Variants in BMERB1 observed in about 807,000 individuals in gnomAD.
BMERB1 encodes bMERB domain containing 1, also known as bMERB domain-containing protein 1.
In BMERB1, 12 loss-of-function variants were observed where a neutral mutation model predicts 23.6. The ratio of observed to expected loss-of-function variants is 0.51; its 90% CI spans 0.33 to 0.82. BMERB1 has a LOEUF of 0.82. Ranked by LOEUF, BMERB1 falls within the 40% of genes least tolerant of loss-of-function variation. The pLI is 0.03. For missense variants in BMERB1, 247 were observed against 255.4 expected (o/e 0.97, Z 0.22); for synonymous variants, 122 against 96.6 (o/e 1.26, Z -1.54).
chr16:15,551,654 G>A (rs553544815), intron 2 of BMERB1, among the ~76,000 whole-genome samples: 1 of 152,222 alleles, frequency 6.6e-6, no homozygotes, highest in African/African-American at 2.4e-5. Flanking sequence ...CACATGGGCT[G>A]TGTACCAGTC....
At chr16:15,562,043 C>T (rs1243725198) in intron 2 of BMERB1, among the ~76,000 whole-genome samples, 5 of 151,946 alleles carry the variant, frequency 3.3e-5, no homozygotes, top group Admixed American at 6.6e-5. Flanking sequence ...TGCGGTGGCT[C>T]ACGCCTATCA....
chr16:15,512,827 C>T (rs935346972), intron 1 of BMERB1, among the ~76,000 whole-genome samples: 2 of 150,594 alleles, frequency 1.3e-5, no homozygotes, highest in African/African-American at 4.9e-5. Context: ...TGCAGTGAGC[C>T]GATATTGTGC....
chr16:15,480,634 G>A (rs113323475), intron 1 of BMERB1, among the ~76,000 whole-genome samples: 1 of 81,596 alleles, frequency 1.2e-5, no homozygotes, highest in Non-Finnish European at 2.2e-5. Flanking sequence ...TTTTTTTTGA[G>A]ACAGAGTCTC....
At chr16:15,547,968 T>A (rs963041766) in intron 2 of BMERB1, among the ~76,000 whole-genome samples, 1 of 152,290 alleles carries the variant, frequency 6.6e-6, no homozygotes, top group South Asian at 2.1e-4. Flanking sequence ...TATGAAGCAC[T>A]TCTTAGTGTA....
chr16:15,535,217 G>A (rs1251010279), intron 2 of BMERB1, among the ~76,000 whole-genome samples: 3 of 152,084 alleles, frequency 2.0e-5, no homozygotes, highest in African/African-American at 7.2e-5. Flanking sequence ...TGGGCATAGT[G>A]GTGCATGCCT....
In BMERB1 at chr16:15,456,757, A is replaced by G. The variant is rs28710389; in HGVS notation, c.106+21998A>G. 3.5e-3 allele frequency among the ~76,000 whole-genome samples: 538 copies of G among 152,284 alleles called. 4 individuals carry two copies. The highest frequency in any genetic ancestry group is 0.012 in the African/African-American group (509 of 41,558). On this transcript the variant is annotated intron_variant, in intron 1 of 5. Coordinates refer to ENST00000300006, the MANE Select transcript of BMERB1 (RefSeq NM_033201.3). ...TGATGGACAGCTAGGTGATTTAACAATTTGATAAAGAATGCTGCAATAAAT... is the reference window on the plus strand; with the variant it reads ...TGATGGACAGCTAGGTGATTTAACAGTTTGATAAAGAATGCTGCAATAAAT...
At chr16:15,557,042 G>A (rs2030280248) in intron 2 of BMERB1, among the ~76,000 whole-genome samples, 1 of 152,146 alleles carries the variant, frequency 6.6e-6, no homozygotes, top group Admixed American at 6.5e-5. Context: ...CCATTAGGCT[G>A]CAACTCAAGC....
chr16:15,515,211 C>T (rs1226492199), intron 1 of BMERB1, 94 bp from the exon 2 acceptor site: 2 of 1,556,052 alleles, frequency 1.3e-6, no homozygotes, highest in East Asian at 2.3e-5. Context: ...GTATGATGGT[C>T]GCAGAGCAAG....
intron 2 of BMERB1, among the ~76,000 whole-genome samples, chr16:15,554,663 C>CTTTTTTTTTT (rs55937169): frequency 6.9e-6 from 1 of 144,556 alleles, no homozygotes. Flanking sequence ...ACCAAGTATT[C>CTTTTTTTTTT]TTTTTTTTTT....
chr16:15,549,254 G>T (rs188814316), intron 2 of BMERB1, among the ~76,000 whole-genome samples: 1 of 150,670 alleles, frequency 6.6e-6, no homozygotes, highest in African/African-American at 2.4e-5. Flanking sequence ...CAGAGGAATT[G>T]CTTGAACCCA....
chr16:15,486,658 G>A (rs1343388691), intron 1 of BMERB1, among the ~76,000 whole-genome samples: 1 of 152,148 alleles, frequency 6.6e-6, no homozygotes, highest in Non-Finnish European at 1.5e-5. Flanking sequence ...GGGAAAAAAA[G>A]GTGTATGTTA....
At chr16:15,503,151 G>A (rs4781669) in intron 1 of BMERB1, among the ~76,000 whole-genome samples, 5,704 of 152,296 alleles carry the variant, frequency 0.037, 232 homozygotes, top group Admixed American at 0.11. Flanking sequence ...CTGAATCTGT[G>A]TAAATGAAGT....
At chr16:15,463,041 A>G (rs559820158) in intron 1 of BMERB1, among the ~76,000 whole-genome samples, 5 of 152,232 alleles carry the variant, frequency 3.3e-5, no homozygotes, top group Non-Finnish European at 5.9e-5. Flanking sequence ...AGTGCAGCAA[A>G]AATGATCTGT....
chr16:15,471,521 C>G (rs1304759888), intron 1 of BMERB1, among the ~76,000 whole-genome samples: 2 of 152,168 alleles, frequency 1.3e-5, no homozygotes, highest in African/African-American at 4.8e-5. Context: ...GCAGTATTCC[C>G]TTGTTATCTA....
At chr16:15,578,068 GA>G (rs1567506034) in intron 3 of BMERB1, among the ~76,000 whole-genome samples, 1 of 152,146 alleles carries the variant, frequency 6.6e-6, no homozygotes, top group African/African-American at 2.4e-5. Context: ...CCTTGGGGGG[GA>G]AATCCCCTCT....
Position 15,534,302 on chromosome 16 carries a change from A to AAAG in BMERB1, c.230+18876_230+18877insGAA, listed in dbSNP as rs1567488667. 1.1e-4 allele frequency among the ~76,000 whole-genome samples: 15 copies of AAAG among 137,330 alleles called. 1 individual carries two copies. Among genetic ancestry groups the AAAG allele is most frequent in the African/African-American group, 2.9e-4 (10 of 34,974 alleles). The allele number at this position is 137,330 out of a possible 152,430, so 90.1% of individuals were successfully genotyped here. A position where few individuals can be genotyped will look rare whatever the true frequency, so the allele number is the denominator to read the frequency against. ...TTTTAATTGCAAAAAAAAAAAAAAA[A>AAAG]AAAAAAAAAAAAAGAAAAGGCCAGG... On this transcript the variant is annotated intron_variant, in intron 2 of 5. Coordinates refer to ENST00000300006, the MANE Select transcript of BMERB1 (RefSeq NM_033201.3).
intron 1 of BMERB1, among the ~76,000 whole-genome samples, chr16:15,446,717 C>T (rs931495900): frequency 6.6e-6 from 1 of 152,190 alleles, no homozygotes; most frequent in Non-Finnish European, 1.5e-5. Flanking sequence ...TGCTTAATGT[C>T]AACTAGACAC....
Position 15,494,877 on chromosome 16 carries a change from C to CTTTTTTTTTT in BMERB1, c.107-20413_107-20404dup, listed in dbSNP as rs754135430. Among the ~76,000 whole-genome samples the CTTTTTTTTTT allele has an allele frequency of 1.1e-3, 101 of 95,154 alleles. 1 individual carries two copies. Among genetic ancestry groups the CTTTTTTTTTT allele is most frequent in the South Asian group, 1.3e-3 (3 of 2,378 alleles). 62.4% of individuals were successfully genotyped at this position (95,154 alleles called of 152,430 possible). On this transcript the variant is annotated intron_variant, in intron 1 of 5. Transcript: ENST00000300006. ...TGTTGGTAAATTTCCTTTTTTTTAT[C>CTTTTTTTTTT]TTTTTTTTTTTTTTTTTTTTTTTTG...
chr16:15,449,549 AT>A lies in BMERB1; in HGVS notation c.106+14802del, dbSNP rs879655632. On this transcript the variant is annotated intron_variant, in intron 1 of 5. Coordinates refer to ENST00000300006, the MANE Select transcript of BMERB1 (RefSeq NM_033201.3). ...GTTGAATTTTTTTTCTTTTTCTTTA[AT>A]TTTTTTTTTTTAAGAGAGGGAGTCT... Among the ~76,000 whole-genome samples, 317 of 146,804 alleles carry A rather than the reference AT, an allele frequency of 2.2e-3. 1 individual carries two copies. Among genetic ancestry groups the A allele is most frequent in the Admixed American group, 5.9e-3 (87 of 14,690 alleles).
Sources: gnomAD v4.1 joint callset for allele counts (sites outside exome capture counted in the v4.1 genomes callset) on GRCh38, gnomAD v4.1.1 for gene constraint, MANE v1.5 for transcripts, NCBI Gene and HGNC (gene_info 2026-07-23, HGNC 2026-07-21) for gene names.